Variants in TXLNB observed in about 807,000 individuals in gnomAD.
The protein encoded by TXLNB is beta-taxilin.
A neutral mutation model predicts 57.4 loss-of-function variants in TXLNB; 37 were observed. The observed-to-expected ratio is 0.64, with a 90% confidence interval of 0.50 to 0.85. TXLNB has a LOEUF of 0.85. Ranked by LOEUF, TXLNB falls within the 40% of genes least tolerant of loss-of-function variation. TXLNB has a pLI of 0.00. For missense variants in TXLNB, 848 were observed against 825.6 expected, an observed-to-expected ratio of 1.03 and a Z score of -0.33; for synonymous variants, 302 against 309.6, an observed-to-expected ratio of 0.98 and a Z score of 0.26.
At chr6:139,209,705 C>T in the TXLNB span, among the ~76,000 whole-genome samples, 47 of 152,132 alleles carry the variant, frequency 3.1e-4, no homozygotes, top group Non-Finnish European at 1.2e-4. Flanking sequence ...TCACCTTATA[C>T]AAAAATCAAC....
the TXLNB span, chr6:139,167,009 A>T: frequency 2.5e-6 from 4 of 1,613,998 alleles, no homozygotes; most frequent in Non-Finnish European, 1.7e-6. Context: ...GGCAGTTCAC[A>T]GGGGGGGACA....
At chr6:139,302,820 C>A in the TXLNB span, among the ~76,000 whole-genome samples, 1 of 151,680 alleles carries the variant, frequency 6.6e-6, no homozygotes, top group African/African-American at 2.4e-5. Context: ...CCTTGTTAAG[C>A]TTTGAAAGGT....
At chr6:139,170,080 G>A in the TXLNB span, 2 of 152,290 alleles carry the variant, frequency 1.3e-5, no homozygotes, top group African/African-American at 4.8e-5. Flanking sequence ...GATGGAGTTT[G>A]TGTTTTTGTT....
rs776736027 is a variant in TXLNB at position 139,262,603 on chromosome 6, G to T, written c.858C>A (p.Ile286=). 6.8e-6 allele frequency: 11 copies of T among 1,613,822 alleles called. No homozygotes were observed. In the Admixed American group the frequency reaches 8.3e-5, roughly 12 times the overall value. Residue 286 remains isoleucine (I), a synonymous_variant, in exon 5 of 10, where the codon ATC becomes ATA. Coordinates refer to ENST00000358430, the MANE Select transcript of TXLNB (RefSeq NM_153235.4). ...CCTCCTCTCTGAGCTCATACTGATC[G>T]ATGATGCTTTTCAGCTTTTCTGCAA... is the stretch of plus-strand genomic sequence containing the variant. ...TELAEKLKSI[I]DQYELREEHL... is the part of the protein sequence containing the mutation.
chr6:139,319,987 T>C, the TXLNB span, among the ~76,000 whole-genome samples: 635 of 152,328 alleles, frequency 4.2e-3, 4 homozygotes, highest in African/African-American at 0.013. Context: ...ATTTAGCTTA[T>C]GGCCATATAT....
the TXLNB span, among the ~76,000 whole-genome samples, chr6:139,187,897 A>C: frequency 6.6e-6 from 1 of 152,332 alleles, no homozygotes; most frequent in African/African-American, 2.4e-5. Flanking sequence ...GAAATCATTA[A>C]ATTAAGTGTT....
chr6:139,226,295 C>A, the TXLNB span, among the ~76,000 whole-genome samples: 1 of 113,270 alleles, frequency 8.8e-6, no homozygotes. Flanking sequence ...AGAGTGAGAC[C>A]CTGTCTCAAA....
Position 139,243,135 on chromosome 6 carries a change from G to C in TXLNB, c.1446C>G (p.Val482=). 1 of 1,614,200 alleles carries C rather than the reference G, an allele frequency of 6.2e-7. No homozygotes were observed. The change falls in exon 10 of 10, where the codon GTC becomes GTG. Residue 482 remains valine (V), a synonymous_variant. Coordinates refer to ENST00000358430, the MANE Select transcript of TXLNB (RefSeq NM_153235.4). ...CTGCGTCAATCTCTTGATCCACAGAGACGTTTGACTCTGGCTCTTCATCGG... is the reference window on the plus strand; with the variant it reads ...CTGCGTCAATCTCTTGATCCACAGACACGTTTGACTCTGGCTCTTCATCGG... ...HNSDEEPESN[V]SVDQEIDAEE... is the part of the protein sequence containing the mutation.
At chr6:139,255,004 T>A (rs968278427) in intron 7 of TXLNB, among the ~76,000 whole-genome samples, 12 of 152,114 alleles carry the variant, frequency 7.9e-5, no homozygotes, top group Admixed American at 3.3e-4. Context: ...TATTTTTTAA[T>A]AGAGACGGGG....
the TXLNB span, among the ~76,000 whole-genome samples, chr6:139,224,189 C>T: frequency 4.7e-5 from 7 of 149,976 alleles, no homozygotes; most frequent in South Asian, 6.4e-4. Flanking sequence ...GGTAAACTAT[C>T]GCAAGAACAA....
chr6:139,174,276 A>G, the TXLNB span: 4 of 1,280,394 alleles, frequency 3.1e-6, no homozygotes, highest in Non-Finnish European at 4.3e-6. Context: ...TATTTATCCA[A>G]ATGATAAAAT....
chr6:139,191,981 AT>A, the TXLNB span, among the ~76,000 whole-genome samples: 1 of 152,158 alleles, frequency 6.6e-6, no homozygotes, highest in Non-Finnish European at 1.5e-5. Context: ...CAGTTAATTC[AT>A]TTTTTAATAA....
chr6:139,262,537 C>T (rs1433158402), intron 5 of TXLNB, 42 bp downstream of exon 5: 10 of 1,493,486 alleles, frequency 6.7e-6, no homozygotes, highest in African/African-American at 2.8e-5. Flanking sequence ...CTCCCAGATC[C>T]GGATCTATGT....
chr6:139,266,872 T>C (rs1776627009), intron 4 of TXLNB, among the ~76,000 whole-genome samples: 1 of 150,154 alleles, frequency 6.7e-6, no homozygotes, highest in Admixed American at 6.6e-5. Context: ...AAAGGACATA[T>C]CACATATGGG....
the TXLNB span, among the ~76,000 whole-genome samples, chr6:139,320,258 G>A: frequency 6.6e-6 from 1 of 152,004 alleles, no homozygotes; most frequent in East Asian, 1.9e-4. Context: ...CATCAATTTG[G>A]GAGTAGACAA....
At chr6:139,166,751 C>G in the TXLNB span, 1 of 1,613,668 alleles carries the variant, frequency 6.2e-7, no homozygotes, top group Non-Finnish European at 8.5e-7. Flanking sequence ...TTCCATGGAC[C>G]GGCAGAACTC....
the TXLNB span, among the ~76,000 whole-genome samples, chr6:139,323,212 T>C: frequency 6.6e-6 from 1 of 152,164 alleles, no homozygotes; most frequent in Admixed American, 6.6e-5. Flanking sequence ...AGTGTGTGGT[T>C]TGGGCTCTTT....
chr6:139,225,692 A>G, the TXLNB span, among the ~76,000 whole-genome samples: 1 of 152,274 alleles, frequency 6.6e-6, no homozygotes, highest in Admixed American at 6.5e-5. Flanking sequence ...AAATTGAGAT[A>G]TTTACCACAT....
At chr6:139,167,876 T>C in the TXLNB span, among the ~76,000 whole-genome samples, 12 of 152,200 alleles carry the variant, frequency 7.9e-5, no homozygotes, top group Non-Finnish European at 1.6e-4. Context: ...AAGCTTATTA[T>C]TCCTGTGGAT....
Sources: gnomAD v4.1 joint callset for allele counts (sites outside exome capture counted in the v4.1 genomes callset) on GRCh38, gnomAD v4.1.1 for gene constraint, MANE v1.5 for transcripts, NCBI Gene and HGNC (gene_info 2026-07-23, HGNC 2026-07-21) for gene names.